The following MYO1F variants were observed in gnomAD, a reference collection of about 807,000 sequenced individuals.
MYO1F encodes the protein unconventional myosin-If.
In MYO1F, 60 loss-of-function variants were observed where a neutral mutation model predicts 146.6. The ratio of observed to expected loss-of-function variants is 0.41; its 90% CI spans 0.33 to 0.51. MYO1F has a LOEUF of 0.51. Ranked by LOEUF, MYO1F falls within the 20% of genes least tolerant of loss-of-function variation. MYO1F has a pLI of 0.25. For missense variants in MYO1F, 1,274 were observed against 1,534.3 expected (o/e 0.83, Z 2.83); for synonymous variants, 602 against 602.1 (o/e 1.00, Z 0.00).
chr19:8,553,397 T>C lies in MYO1F; in HGVS notation c.367A>G (p.Ile123Val), dbSNP rs1204275109. 3 of 1,614,008 alleles carry C rather than the reference T, an allele frequency of 1.9e-6. No homozygotes were observed. Among genetic ancestry groups the C allele is most frequent in the East Asian group, 4.5e-5 (2 of 44,880 alleles). The change falls in exon 5 of 28, where the codon ATC (isoleucine) becomes GTC (valine). Residue 123 changes from isoleucine to valine, a missense_variant. Transcript: ENST00000644032. ...GACACCTTGGAGATGTAGCCCATGA[T>C]ATATTTGGCTGCCACTGTCTTCCCA... ...GAGKTVAAKY[I>V]MGYISKVSGG... is the part of the protein sequence containing the mutation.
intron 25 of MYO1F, among the ~76,000 whole-genome samples, chr19:8,523,252 C>A (rs1046130119): frequency 1.8e-4 from 28 of 152,220 alleles, no homozygotes; most frequent in Admixed American, 1.6e-3. Flanking sequence ...CCAGGATGGT[C>A]TCGATCTCCT....
intron 1 of MYO1F, among the ~76,000 whole-genome samples, chr19:8,572,034 G>A (rs1267115726): frequency 2.6e-5 from 4 of 152,084 alleles, no homozygotes; most frequent in African/African-American, 9.7e-5. Flanking sequence ...TTATACGTGG[G>A]GACCCTTGTC....
rs759407808 is a variant in MYO1F at position 8,550,694 on chromosome 19, T to C, written c.772A>G (p.Ser258Gly). The part of the protein sequence containing the change: ...DDRSDFGETL[S>G]AMQVIGIPPS... ...GGGATCCCAATAACCTGCATAGCACTCTGTGGTACAACGGGGGCAGAAACT... is the reference window on the plus strand; with the variant it reads ...GGGATCCCAATAACCTGCATAGCACCCTGTGGTACAACGGGGGCAGAAACT... Residue 258 changes from serine (S) to glycine (G), a missense_variant and splice_region_variant, in exon 9 of 28, where the codon AGT becomes GGT. Physicochemically the swap from Ser to Gly is moderately conservative, Grantham distance 56. Transcript: ENST00000644032. 1 of 1,614,026 alleles carries C rather than the reference T, an allele frequency of 6.2e-7. No individual in the cohort carries two copies. The highest frequency in any genetic ancestry group is 8.5e-7 in the Non-Finnish European group (1 of 1,180,008).
chr19:8,562,376 T>C (rs754347908), intron 1 of MYO1F, among the ~76,000 whole-genome samples: 5 of 151,978 alleles, frequency 3.3e-5, no homozygotes, highest in Admixed American at 6.6e-5. Context: ...GGTGCGATCA[T>C]ACCTCACTGC....
At chr19:8,574,634 TTTCTTTCTTTCCTTTCTTTC>T (rs1555733197) in intron 1 of MYO1F, among the ~76,000 whole-genome samples, 2,441 of 57,174 alleles carry the variant, frequency 0.043, 57 homozygotes, top group East Asian at 0.16. Flanking sequence ...TCTTTCTTTC[TTTCTTTCTTTCCTTTCTTTC>T]TCTTTCTTCT....
At chr19:8,525,429 A>C in intron 25 of MYO1F, 50 bp downstream of exon 25, 1 of 1,512,764 alleles carries the variant, frequency 6.6e-7, no homozygotes, top group South Asian at 1.1e-5. Context: ...GGCTTAGGCC[A>C]TGGGACCCAC....
At chr19:8,552,860 G>A (rs1973671697) in intron 6 of MYO1F, among the ~76,000 whole-genome samples, 1 of 152,178 alleles carries the variant, frequency 6.6e-6, no homozygotes, top group Non-Finnish European at 1.5e-5. Context: ...AATTGGACCT[G>A]AAATGTGAAT....
intron 19 of MYO1F, among the ~76,000 whole-genome samples, chr19:8,535,590 C>CT (rs1972670560): frequency 6.6e-6 from 1 of 151,898 alleles, no homozygotes. Flanking sequence ...TTTATTTTGC[C>CT]TTTTTTCTGT....
At position 8,552,189 on chromosome 19, in the gene MYO1F, C is replaced by T. The variant is rs766885206; in HGVS notation, c.505-25G>A. Reference sequence around the variant, plus strand: ...CCTGAATCCGAGAGAACCATGTCAGCACCCCAGTGTCCTGGGGTGCAGGTG... The same window carrying T: ...CCTGAATCCGAGAGAACCATGTCAGTACCCCAGTGTCCTGGGGTGCAGGTG... On this transcript the variant is annotated intron_variant, in intron 6 of 27. Transcript: ENST00000644032. 3 of 1,614,008 alleles carry T rather than the reference C, an allele frequency of 1.9e-6. No individual in the cohort carries two copies. In the East Asian group the frequency reaches 6.7e-5, roughly 36 times the overall value.
chr19:8,530,870 T>A lies in MYO1F; in HGVS notation c.2044-297A>T, dbSNP rs1052607461. ...GCCTGACCGACATAGTGAAACCCCA[T>A]CTCTACTAAAAATACAAAAAGAAAT... On this transcript the variant is annotated intron_variant, in intron 19 of 27. Coordinates refer to ENST00000644032, the MANE Select transcript of MYO1F (RefSeq NM_012335.4). The surrounding 1 kb of genome is among the most constrained non-coding windows in gnomAD (Gnocchi z 5.8). Among the ~76,000 whole-genome samples the A allele has an allele frequency of 3.3e-5, 5 of 152,140 alleles. No individual in the cohort carries two copies. Among genetic ancestry groups the A allele is most frequent in the Admixed American group, 6.6e-5 (1 of 15,250 alleles).
Position 8,530,521 on chromosome 19 carries a change from G to T in MYO1F, c.2096C>A (p.Thr699Asn), listed in dbSNP as rs1972441849. Residue 699 changes from threonine to asparagine, a missense_variant, in exon 20 of 28, where the codon ACC becomes AAC. This residue lies in a region of MYO1F where 900 missense variants were observed against 1,155.1 expected (regional missense o/e 0.78). Coordinates refer to ENST00000644032, the MANE Select transcript of MYO1F (RefSeq NM_012335.4). The surrounding 1 kb of genome is among the most constrained non-coding windows in gnomAD (Gnocchi z 5.8). ...GTGGCGCCGCCAGGCCTTCTGGATG[G>T]TTCGGGCAAAGCCATCGAACTTTCG... The part of the protein sequence containing the change: ...RERKFDGFAR[T>N]IQKAWRRHVA... The T allele has an allele frequency of 6.2e-7, 1 of 1,613,568 alleles. No homozygotes were observed. The highest frequency in any genetic ancestry group is 1.1e-5 in the South Asian group (1 of 91,094).
intron 1 of MYO1F, among the ~76,000 whole-genome samples, chr19:8,571,879 A>T (rs920222342): frequency 6.6e-6 from 1 of 150,392 alleles, no homozygotes; most frequent in South Asian, 2.1e-4. Context: ...TTATAGGTGT[A>T]AGCCACCGCG....
rs1007191005 is a variant in MYO1F at position 8,575,413 on chromosome 19, C to G, written c.3+1894G>C. 5.3e-5 allele frequency among the ~76,000 whole-genome samples: 8 copies of G among 151,932 alleles called. No homozygotes were observed. In the South Asian group the frequency reaches 1.5e-3, roughly 28 times the overall value. ...TCATAAGCAGCATGCAACCTGGATC[C>G]CTCGTGTGTGCAGTTCACAACAGGG... On this transcript the variant is annotated intron_variant, in intron 1 of 27. Transcript: ENST00000644032.
chr19:8,532,074 C>T (rs534042462), intron 19 of MYO1F, among the ~76,000 whole-genome samples: 170 of 151,744 alleles, frequency 1.1e-3, no homozygotes, highest in Admixed American at 1.8e-3. Flanking sequence ...GCGGAGATTG[C>T]GCCACTGCAC....
intron 13 of MYO1F, 48 bp downstream of exon 13, chr19:8,545,602 C>T (rs779032954): frequency 1.0e-5 from 15 of 1,483,020 alleles, no homozygotes; most frequent in Non-Finnish European, 1.2e-5. Flanking sequence ...CCAGACTCAG[C>T]TCAGGGGACC....
chr19:8,536,253 G>A lies in MYO1F; in HGVS notation c.2042C>T (p.Ser681Leu), dbSNP rs759457500. ...STKVFVKNPE[S>L]LFLLEEVRER... is the part of the protein sequence containing the mutation. ...TGCCTGTCCCTCAAACACACTCACC[G>A]ACTCTGGGTTCTTGACAAAGACCTT... Residue 681 changes from serine to leucine, a missense_variant and splice_region_variant, in exon 19 of 28, where the codon TCG (serine) becomes TTG (leucine). By Grantham distance (145) the Ser-to-Leu change is moderately radical (BLOSUM62 -2). Coordinates refer to ENST00000644032, the MANE Select transcript of MYO1F (RefSeq NM_012335.4). 129 of 1,603,806 alleles carry A rather than the reference G, an allele frequency of 8.0e-5. No homozygotes were observed. Among genetic ancestry groups the A allele is most frequent in the Non-Finnish European group, 1.0e-4 (122 of 1,179,884 alleles).
Position 8,536,264 on chromosome 19 carries a change from C to G in MYO1F, c.2031G>C (p.Lys677Asn). 6.2e-7 allele frequency: 1 copy of G among 1,606,028 alleles called. No individual in the cohort carries two copies. Among genetic ancestry groups the G allele is most frequent in the Non-Finnish European group, 8.5e-7 (1 of 1,179,964 alleles). ...CAAACACACTCACCGACTCTGGGTTCTTGACAAAGACCTTGGTGCTCCCCA... is the reference window on the plus strand; with the variant it reads ...CAAACACACTCACCGACTCTGGGTTGTTGACAAAGACCTTGGTGCTCCCCA... Reference protein sequence around the residue: ...YQMGSTKVFVKNPESLFLLEE... With the variant: ...YQMGSTKVFVNNPESLFLLEE... Residue 677 changes from lysine (K) to asparagine (N), a missense_variant, in exon 19 of 28, where the codon AAG becomes AAC. By Grantham distance (94) the Lys-to-Asn change is moderately conservative. Transcript: ENST00000644032.
At chr19:8,534,303 T>G (rs1227497027) in intron 19 of MYO1F, among the ~76,000 whole-genome samples, 1 of 151,996 alleles carries the variant, frequency 6.6e-6, no homozygotes, top group Non-Finnish European at 1.5e-5. Context: ...CGTTGGCTAT[T>G]TTTCTTTTCT....
At chr19:8,553,894 A>ACACACTCTCTCTCT in intron 4 of MYO1F, among the ~76,000 whole-genome samples, 19 of 102,606 alleles carry the variant, frequency 1.9e-4, no homozygotes, top group East Asian at 6.2e-4. Flanking sequence ...ACACACACAC[A>ACACACTCTCTCTCT]CTCTCTCTCT....
Sources: allele counts gnomAD v4.1 joint callset (sites outside exome capture counted in the v4.1 genomes callset), GRCh38; gene constraint gnomAD v4.1.1; regional missense constraint gnomAD v4.1.1; non-coding constraint Gnocchi (gnomAD v3.1); transcripts MANE v1.5; gene names NCBI Gene and HGNC (gene_info 2026-07-23, HGNC 2026-07-21).